MKLN1: variants seen among roughly 807,000 people sequenced by gnomAD.
The protein encoded by MKLN1 is muskelin.
MKLN1 carries 18 observed loss-of-function variants against 99.0 expected under a neutral mutation model. The observed-to-expected ratio is 0.18, with a 90% CI of 0.13 to 0.27. MKLN1 has a LOEUF of 0.27. Ranked by LOEUF, MKLN1 falls within the 10% of genes least tolerant of loss-of-function variation. The pLI, the probability that MKLN1 is intolerant of heterozygous loss-of-function variation, is 1.00. For synonymous variants in MKLN1, 288 were observed against 293.2 expected (o/e 0.98, Z 0.18); for missense variants, 621 against 875.9 (o/e 0.71, Z 3.67).
upstream of MKLN1, among the ~76,000 whole-genome samples, chr7:131,325,238 A>C (rs1453070228): frequency 6.6e-6 from 1 of 152,148 alleles, no homozygotes; most frequent in Non-Finnish European, 1.5e-5. Context: ...AAGAAAGGGG[A>C]AAAAAGAGAA....
At chr7:131,234,651 C>G (rs2116481431) in intron 3 of MKLN1, among the ~76,000 whole-genome samples, 1 of 152,280 alleles carries the variant, frequency 6.6e-6, no homozygotes, top group East Asian at 1.9e-4. Flanking sequence ...TTTTAACTCT[C>G]CAGCTCTTTC....
intron 1 of MKLN1, among the ~76,000 whole-genome samples, chr7:131,120,741 C>T (rs1408555345): frequency 6.6e-6 from 1 of 152,178 alleles, no homozygotes; most frequent in Non-Finnish European, 1.5e-5. Flanking sequence ...GAGACCACCT[C>T]AGCCAGGACT....
At chr7:131,369,000 T>TCACACACA (rs57537888) in intron 1 of MKLN1, among the ~76,000 whole-genome samples, 27 of 149,772 alleles carry the variant, frequency 1.8e-4, no homozygotes, top group Non-Finnish European at 2.5e-4. Context: ...ATCTGTATAA[T>TCACACACA]CACACACACA....
intron 12 of MKLN1, among the ~76,000 whole-genome samples, chr7:131,456,568 G>T (rs1206133376): frequency 6.6e-6 from 1 of 152,188 alleles, no homozygotes; most frequent in East Asian, 1.9e-4. Context: ...CAGAAACCCT[G>T]CTGGAGTTCA....
At chr7:131,458,876 C>T (rs1764828772) in intron 12 of MKLN1, among the ~76,000 whole-genome samples, 1 of 152,034 alleles carries the variant, frequency 6.6e-6, no homozygotes, top group Non-Finnish European at 1.5e-5. Flanking sequence ...TTCATTGTTA[C>T]TGATAAGTTG....
intron 1 of MKLN1, among the ~76,000 whole-genome samples, chr7:131,120,170 C>CA (rs34545571): frequency 0.82 from 63,039 of 76,450 alleles, 26,431 homozygotes; most frequent in Non-Finnish European, 0.87. Context: ...GACTCCATCT[C>CA]AAAAAAAAAA....
At chr7:131,303,271 AG>A (rs1201589051) in intron 3 of MKLN1, among the ~76,000 whole-genome samples, 1 of 152,230 alleles carries the variant, frequency 6.6e-6, no homozygotes, top group Non-Finnish European at 1.5e-5. Flanking sequence ...TGATTTCTGC[AG>A]CAGGCGGAGG....
chr7:131,451,480 C>T (rs891603802), intron 12 of MKLN1, among the ~76,000 whole-genome samples: 2 of 151,730 alleles, frequency 1.3e-5, no homozygotes, highest in African/African-American at 4.8e-5. Flanking sequence ...TTATATAATT[C>T]TGTATTGTCA....
chr7:131,292,906 T>C (rs1798242268), intron 3 of MKLN1, among the ~76,000 whole-genome samples: 1 of 152,204 alleles, frequency 6.6e-6, no homozygotes, highest in Non-Finnish European at 1.5e-5. Context: ...GTTTCAAGCT[T>C]AACAGCACTA....
At chr7:131,314,216 A>T (rs433615) in intron 3 of MKLN1, among the ~76,000 whole-genome samples, 17 of 152,196 alleles carry the variant, frequency 1.1e-4, no homozygotes, top group Non-Finnish European at 2.2e-4. Context: ...GACACGATAC[A>T]AAAGAGAGCA....
intron 1 of MKLN1, among the ~76,000 whole-genome samples, chr7:131,345,886 A>G (rs1186669863): frequency 6.6e-6 from 1 of 152,226 alleles, no homozygotes; most frequent in Non-Finnish European, 1.5e-5. Context: ...AGTTTTTAAT[A>G]TATTGTTTTG....
At chr7:131,411,422 A>G (rs1259211223) in intron 7 of MKLN1, 39 bp downstream of exon 7, 2 of 1,321,028 alleles carry the variant, frequency 1.5e-6, no homozygotes, top group Admixed American at 1.7e-5. Flanking sequence ...TTTTTCATTA[A>G]TGTCTCAGTC....
rs116769107 is a variant in MKLN1 at position 131,231,535 on chromosome 7, C to T, written c.-179+28561C>T. ...TCTACTGTTGCTCTTGTGGCCAGGG[C>T]CAGGAAACAGCTGGAGTGGTTTGAA... is the stretch of plus-strand genomic sequence containing the variant. On this transcript the variant is annotated intron_variant, in intron 3 of 7. Transcript: ENST00000416992. Among the ~76,000 whole-genome samples the T allele has an allele frequency of 6.1e-3, 927 of 152,160 alleles. 17 individuals are homozygous for T. Among genetic ancestry groups the T allele is most frequent in the African/African-American group, 0.021 (867 of 41,514 alleles).
intron 2 of MKLN1, among the ~76,000 whole-genome samples, chr7:131,379,406 T>C (rs1793769299): frequency 6.6e-6 from 1 of 152,190 alleles, no homozygotes; most frequent in South Asian, 2.1e-4. Flanking sequence ...CAACTACTTA[T>C]ATTTAAAGAA....
intron 3 of MKLN1, among the ~76,000 whole-genome samples, chr7:131,314,817 G>T (rs891249817): frequency 1.3e-5 from 2 of 151,974 alleles, no homozygotes; most frequent in Non-Finnish European, 2.9e-5. Flanking sequence ...TCACACAAGC[G>T]GGAGTGCGGT....
chr7:131,167,066 T>G (rs1464813758), intron 2 of MKLN1, among the ~76,000 whole-genome samples: 1 of 152,010 alleles, frequency 6.6e-6, no homozygotes, highest in Non-Finnish European at 1.5e-5. Context: ...CCACATCCCC[T>G]CTCTCCAGTT....
At chr7:131,172,320 T>C (rs1392320419) in intron 2 of MKLN1, among the ~76,000 whole-genome samples, 2 of 147,410 alleles carry the variant, frequency 1.4e-5, no homozygotes, top group Admixed American at 6.7e-5. Context: ...TTTGTATTTT[T>C]TTTTTTTCTT....
At chr7:131,457,120 A>G (rs1371999443) in intron 12 of MKLN1, among the ~76,000 whole-genome samples, 1 of 152,070 alleles carries the variant, frequency 6.6e-6, no homozygotes, top group Non-Finnish European at 1.5e-5. Context: ...TCCACTAAAA[A>G]TACAAAATTA....
chr7:131,385,572 T>C (rs1431850395), intron 2 of MKLN1, among the ~76,000 whole-genome samples: 1 of 152,178 alleles, frequency 6.6e-6, no homozygotes, highest in Non-Finnish European at 1.5e-5. Context: ...TCTTAGTGGA[T>C]GTGAAATGGT....
Sources: allele counts gnomAD v4.1 joint callset (sites outside exome capture counted in the v4.1 genomes callset), GRCh38; gene constraint gnomAD v4.1.1; transcripts MANE v1.5; gene names NCBI Gene and HGNC (gene_info 2026-07-23, HGNC 2026-07-21).